Variants in STXBP5 observed in about 807,000 individuals in gnomAD.
STXBP5 encodes syntaxin binding protein 5.
In STXBP5, 50 loss-of-function variants were observed where a neutral mutation model predicts 152.4. The observed-to-expected ratio is 0.33, with a 90% CI of 0.26 to 0.42. The LOEUF (loss-of-function observed/expected upper bound fraction) is 0.42, where lower values mean the gene tolerates loss of function less well. STXBP5 is among the 10% of genes least tolerant of loss of function. The pLI, the probability that STXBP5 is intolerant of heterozygous loss-of-function variation, is 1.00. For synonymous variants in STXBP5, 492 were observed against 494.7 expected, an observed-to-expected ratio of 0.99 and a Z score of 0.07; for missense variants, 1,167 against 1,388.6, an observed-to-expected ratio of 0.84 and a Z score of 2.54.
chr6:147,375,503 GAAAC>G (rs571677388), intron 26 of STXBP5, among the ~76,000 whole-genome samples: 5 of 151,682 alleles, frequency 3.3e-5, no homozygotes, highest in Middle Eastern at 3.4e-3. Flanking sequence ...GCAGCACAAA[GAAAC>G]AAAATAAAAC....
intron 18 of STXBP5, among the ~76,000 whole-genome samples, chr6:147,329,374 ATATT>A (rs1783437058): frequency 6.7e-6 from 1 of 149,720 alleles, no homozygotes; most frequent in Non-Finnish European, 1.5e-5. Flanking sequence ...CGCTTTGTCA[ATATT>A]TAGGGTTGTG....
chr6:147,340,047 C>G (rs1437522216), intron 21 of STXBP5, among the ~76,000 whole-genome samples: 1 of 151,960 alleles, frequency 6.6e-6, no homozygotes, highest in Non-Finnish European at 1.5e-5. Flanking sequence ...TTCAGATGTT[C>G]TCCAAAGATT....
rs1272063217 is a variant in STXBP5 at position 147,386,845 on chromosome 6, G to T, written c.*2090G>T. 3 of 151,666 alleles carry T rather than the reference G, an allele frequency of 2.0e-5. No individual in the cohort carries two copies. The highest frequency in any genetic ancestry group is 4.4e-5 in the Non-Finnish European group (3 of 67,722). 9.4% of individuals were successfully genotyped at this position (151,666 alleles called of 1,614,324 possible). The stretch of plus-strand genomic sequence containing the variant: ...TACTGGTTGGTTCCCTATCTATGTG[G>T]AAGGTCATATTAGCTGCAATTATTT... On this transcript the variant is annotated 3_prime_UTR_variant, in exon 28 of 28. Transcript: ENST00000321680.
Position 147,314,037 on chromosome 6 carries a change from G to T in STXBP5, c.1293+6G>T. The T allele has an allele frequency of 6.3e-7, 1 of 1,574,878 alleles. No individual in the cohort carries two copies. The highest frequency in any genetic ancestry group is 1.2e-5 in the South Asian group (1 of 85,538). ...GTCAAGGTTACAGCAAAAAGGTATT[G>T]AACATGAGCTTCAGTATTTAATGTT... On this transcript the variant is annotated splice_donor_region_variant and intron_variant, in intron 12 of 27. Coordinates refer to ENST00000321680, the MANE Select transcript of STXBP5 (RefSeq NM_001127715.4).
intron 15 of STXBP5, 37 bp from the exon 16 acceptor site, chr6:147,316,192 T>A (rs1432581729): frequency 3.8e-6 from 6 of 1,583,592 alleles, no homozygotes; most frequent in Non-Finnish European, 3.5e-6. Flanking sequence ...GAGCAATAAT[T>A]ATTAGGAGTA....
At chr6:147,361,421 C>A (rs1785059508) in intron 23 of STXBP5, among the ~76,000 whole-genome samples, 1 of 152,140 alleles carries the variant, frequency 6.6e-6, no homozygotes, top group African/African-American at 2.4e-5. Context: ...AACTTAGTTT[C>A]TTCTCAATGA....
At chr6:147,284,248 A>G (rs1184437041) in intron 8 of STXBP5, among the ~76,000 whole-genome samples, 1 of 152,174 alleles carries the variant, frequency 6.6e-6, no homozygotes, top group Non-Finnish European at 1.5e-5. Context: ...TAGCCACGCT[A>G]GACTGAGAAC....
Position 147,327,178 on chromosome 6 carries a change from C to A in STXBP5, c.1982C>A (p.Ala661Glu), listed in dbSNP as rs368337313. 173 of 1,613,874 alleles carry A rather than the reference C, an allele frequency of 1.1e-4. 1 individual carries two copies. Among genetic ancestry groups the A allele is most frequent in the Non-Finnish European group, 1.0e-5 (12 of 1,179,948 alleles). Reference protein sequence around the residue: ...GIAMVDYLQKAVLLNLGTIEL... With the variant: ...GIAMVDYLQKEVLLNLGTIEL... Reference sequence around the variant, plus strand: ...GCTATGGTTGACTACCTCCAGAAAGCAGTGCTGCTCAACCTGGGCACTATT... The same window carrying A: ...GCTATGGTTGACTACCTCCAGAAAGAAGTGCTGCTCAACCTGGGCACTATT... Residue 661 changes from alanine (A) to glutamate (E), a missense_variant, in exon 18 of 28, where the codon GCA (alanine) becomes GAA (glutamate). Around this residue, in one of 3 missense-constraint regions of STXBP5, gnomAD observed 833 missense variants for 986.3 expected, o/e 0.84. Transcript: ENST00000321680.
intron 7 of STXBP5, among the ~76,000 whole-genome samples, chr6:147,276,776 G>T (rs943220331): frequency 6.6e-6 from 1 of 152,048 alleles, no homozygotes; most frequent in Admixed American, 6.5e-5. Context: ...TTAGAATTTT[G>T]TAAGAGATGC....
At chr6:147,276,720 A>G (rs973173023) in intron 7 of STXBP5, among the ~76,000 whole-genome samples, 11 of 152,132 alleles carry the variant, frequency 7.2e-5, no homozygotes, top group South Asian at 2.1e-4. Flanking sequence ...TGAGTTTTCA[A>G]AATGTCATAT....
chr6:147,208,015 A>G (rs1776659468), intron 2 of STXBP5, among the ~76,000 whole-genome samples: 1 of 152,210 alleles, frequency 6.6e-6, no homozygotes, highest in Admixed American at 6.5e-5. Context: ...TGAATTGCCA[A>G]TTAAAATCAA....
rs79572229 is a variant in STXBP5 at position 147,213,727 on chromosome 6, T to C, written c.248+7659T>C. Among the ~76,000 whole-genome samples, 51 of 152,218 alleles carry C rather than the reference T, an allele frequency of 3.4e-4. No homozygotes were observed. In the East Asian group the frequency reaches 7.5e-3, roughly 22 times the overall value. ...GAAAGTTTCCTGACCTGATTTGCTA[T>C]ATTAGCATCTTCAGAAGGTATACTT... On this transcript the variant is annotated intron_variant, in intron 2 of 27. Transcript: ENST00000321680.
chr6:147,328,488 C>A (rs117704602), intron 18 of STXBP5, among the ~76,000 whole-genome samples: 5,380 of 152,284 alleles, frequency 0.035, 146 homozygotes, highest in Admixed American at 0.054. Context: ...GCAAATTTTA[C>A]AATTCATGGG....
At chr6:147,220,970 C>T (rs1777428566) in intron 2 of STXBP5, among the ~76,000 whole-genome samples, 1 of 152,040 alleles carries the variant, frequency 6.6e-6, no homozygotes, top group Non-Finnish European at 1.5e-5. Flanking sequence ...TTTTATGCCT[C>T]TTGTGGTTTT....
At chr6:147,276,641 G>T (rs1229730573) in intron 7 of STXBP5, among the ~76,000 whole-genome samples, 3 of 151,858 alleles carry the variant, frequency 2.0e-5, no homozygotes, top group Admixed American at 1.3e-4. Flanking sequence ...TAGCTTTTTA[G>T]CACTGCTCAT....
intron 7 of STXBP5, among the ~76,000 whole-genome samples, chr6:147,277,771 T>C (rs1168611687): frequency 6.6e-6 from 1 of 152,172 alleles, no homozygotes; most frequent in Admixed American, 6.5e-5. Context: ...TGTTTAGGTA[T>C]TGTTTATGCT....
intron 7 of STXBP5, among the ~76,000 whole-genome samples, chr6:147,275,671 C>T (rs1349406043): frequency 2.0e-5 from 3 of 150,182 alleles, no homozygotes; most frequent in Admixed American, 1.3e-4. Context: ...CATTCTCCTG[C>T]CTCAGCCTCC....
At position 147,363,393 on chromosome 6, in the gene STXBP5, C is replaced by A; in HGVS notation, c.2604C>A (p.Gly868=). ...ILRMAFLDTT[G]CLIPPAYEPW... is the part of the protein sequence containing the mutation. Reference sequence around the variant, plus strand: ...GAATGGCATTTCTGGATACCACAGGCTGCTTAATACCACCTGCGTATGAAC... The same window carrying A: ...GAATGGCATTTCTGGATACCACAGGATGCTTAATACCACCTGCGTATGAAC... Residue 868 remains glycine, a synonymous_variant, in exon 24 of 28, where the codon GGC becomes GGA. Transcript: ENST00000321680. The A allele has an allele frequency of 6.2e-7, 1 of 1,613,412 alleles. No homozygotes were observed. Among genetic ancestry groups the A allele is most frequent in the South Asian group, 1.1e-5 (1 of 90,928 alleles).
At chr6:147,253,884 GATTC>G (rs1779225116) in intron 4 of STXBP5, among the ~76,000 whole-genome samples, 2 of 152,234 alleles carry the variant, frequency 1.3e-5, no homozygotes, top group South Asian at 4.1e-4. Context: ...GTAATTTATA[GATTC>G]AGTGCTATCC....
Sources: allele counts gnomAD v4.1 joint callset (sites outside exome capture counted in the v4.1 genomes callset), GRCh38; gene constraint gnomAD v4.1.1; regional missense constraint gnomAD v4.1.1; transcripts MANE v1.5; gene names NCBI Gene and HGNC (gene_info 2026-07-23, HGNC 2026-07-21).